The following FMN2 variants were observed in gnomAD, a reference collection of about 807,000 sequenced individuals.
FMN2 encodes the protein formin-2.
In FMN2, 51 loss-of-function variants were observed where a neutral mutation model predicts 142.3. That is an observed-to-expected ratio of 0.36 (90% CI 0.29 to 0.45). FMN2 has a LOEUF of 0.45. Ranked by LOEUF, FMN2 falls within the 20% of genes least tolerant of loss-of-function variation. FMN2 has a pLI of 1.00. For missense variants in FMN2, 1,936 were observed against 2,122.8 expected (o/e 0.91, Z 1.73); for synonymous variants, 882 against 869.8 (o/e 1.01, Z -0.25).
At chr1:240,142,070 G>A in intron 2 of FMN2, among the ~76,000 whole-genome samples, 1 of 152,192 alleles carries the variant, frequency 6.6e-6, no homozygotes, top group East Asian at 1.9e-4. Flanking sequence ...CTGATGGAAT[G>A]CACTTTGGAT....
At chr1:240,373,454 G>C (rs1287387787) in intron 14 of FMN2, among the ~76,000 whole-genome samples, 1 of 152,120 alleles carries the variant, frequency 6.6e-6, no homozygotes, top group African/African-American at 2.4e-5. Flanking sequence ...TTCAAAATTT[G>C]AATCAGTCCT....
At chr1:240,272,683 A>G (rs547023365) in intron 7 of FMN2, among the ~76,000 whole-genome samples, 16 of 152,134 alleles carry the variant, frequency 1.1e-4, no homozygotes, top group Non-Finnish European at 5.9e-5. Flanking sequence ...ATATTCTACA[A>G]ATATAATCAT....
In FMN2 at chr1:240,168,399, C is replaced by A. The variant is rs1265085813; in HGVS notation, c.1783-9522C>A. On this transcript the variant is annotated intron_variant, in intron 2 of 17. Transcript: ENST00000319653. ...CTCAAGAGTTTGAGACCAGCCTGGG[C>A]AACATAGCAAGACTCCATCTCTCCA... Among the ~76,000 whole-genome samples, 163 of 152,168 alleles carry A rather than the reference C, an allele frequency of 1.1e-3. 1 individual carries two copies. Among genetic ancestry groups the A allele is most frequent in the Non-Finnish European group, 3.7e-4 (25 of 68,012 alleles).
chr1:240,181,554 C>T (rs1029878651), intron 3 of FMN2, among the ~76,000 whole-genome samples: 3 of 152,146 alleles, frequency 2.0e-5, no homozygotes, highest in Non-Finnish European at 4.4e-5. Context: ...CTCTTCTCAC[C>T]AGTGAGTTGC....
At chr1:240,375,798 C>T (rs1447373010) in intron 14 of FMN2, among the ~76,000 whole-genome samples, 1 of 152,178 alleles carries the variant, frequency 6.6e-6, no homozygotes, top group Non-Finnish European at 1.5e-5. Context: ...ATAAATGTCT[C>T]CATTGCTTTG....
chr1:240,434,602 C>G (rs181548292), intron 15 of FMN2, among the ~76,000 whole-genome samples: 33 of 150,904 alleles, frequency 2.2e-4, no homozygotes, highest in African/African-American at 6.8e-4. Flanking sequence ...CGCTCTGTCA[C>G]CCAGGCTGGA....
Position 240,334,124 on chromosome 1 carries a change from C to G in FMN2, c.4660C>G (p.Gln1554Glu), listed in dbSNP as rs1671478569. The change falls in exon 13 of 18, where the codon CAG (glutamine) becomes GAG (glutamate). Residue 1554 changes from glutamine (Q) to glutamate (E), a missense_variant. By Grantham distance (29) the Gln-to-Glu change is conservative (BLOSUM62 2). Coordinates refer to ENST00000319653, the MANE Select transcript of FMN2 (RefSeq NM_020066.5). ...TGTTCATTAGGATGCTGGAAAAGAA[C>G]AGTGCCTCTTTCCACTGCCAGAACC... The part of the protein sequence containing the change: ...RNFDEDAGKE[Q>E]CLFPLPEPQD... The G allele has an allele frequency of 6.3e-7, 1 of 1,599,750 alleles. No homozygotes were observed. The highest frequency in any genetic ancestry group is 1.4e-5 in the African/African-American group (1 of 73,840).
chr1:240,373,041 G>A (rs146024875), intron 14 of FMN2, among the ~76,000 whole-genome samples: 190 of 152,098 alleles, frequency 1.2e-3, no homozygotes, highest in African/African-American at 3.2e-3. Context: ...AAAAAGTAGC[G>A]CGCGTGGTGG....
chr1:240,160,484 A>G (rs1664232593), intron 2 of FMN2, among the ~76,000 whole-genome samples: 1 of 149,210 alleles, frequency 6.7e-6, no homozygotes, highest in Non-Finnish European at 1.5e-5. Flanking sequence ...TATATAATGT[A>G]TATAATATAT....
chr1:240,466,943 A>AC (rs1676640272), intron 16 of FMN2, among the ~76,000 whole-genome samples: 1 of 152,158 alleles, frequency 6.6e-6, no homozygotes, highest in Non-Finnish European at 1.5e-5. Flanking sequence ...TTAGAAACAA[A>AC]CTCGGAGTCC....
At chr1:240,237,285 A>G (rs1341935714) in intron 6 of FMN2, among the ~76,000 whole-genome samples, 1 of 152,212 alleles carries the variant, frequency 6.6e-6, no homozygotes, top group East Asian at 1.9e-4. Flanking sequence ...CCACCAACTT[A>G]GAAAACAGTC....
At chr1:240,148,719 G>A (rs946105522) in intron 2 of FMN2, among the ~76,000 whole-genome samples, 1 of 152,110 alleles carries the variant, frequency 6.6e-6, no homozygotes, top group African/African-American at 2.4e-5. Flanking sequence ...AGTGGCTCGC[G>A]CCTGTAATCC....
chr1:240,271,098 G>GCTTTT lies in FMN2; in HGVS notation c.4153+13066_4153+13067insCTTTT, dbSNP rs1233218686. On this transcript the variant is annotated intron_variant, in intron 7 of 17. Coordinates refer to ENST00000319653, the MANE Select transcript of FMN2 (RefSeq NM_020066.5). ...ACCCCCCTAGGAACTTTCCACGATG[G>GCTTTT]TTTTTTTTTTTTTTTTTTTGTGACT... 1.7e-3 allele frequency among the ~76,000 whole-genome samples: 120 copies of GCTTTT among 72,220 alleles called. 1 individual carries two copies. The highest frequency in any genetic ancestry group is 0.011 in the Middle Eastern group (1 of 90). The allele number at this position is 72,220 out of a possible 152,430, so 47.4% of individuals were successfully genotyped here.
At chr1:240,211,398 G>A (rs1282580236) in intron 6 of FMN2, among the ~76,000 whole-genome samples, 163 bp downstream of exon 6, 1 of 152,174 alleles carries the variant, frequency 6.6e-6, no homozygotes, top group African/African-American at 2.4e-5. Context: ...AGTAAGACTA[G>A]CCCAAATAGA....
At chr1:240,148,361 C>G (rs1333623885) in intron 2 of FMN2, among the ~76,000 whole-genome samples, 1 of 80,658 alleles carries the variant, frequency 1.2e-5, no homozygotes, top group African/African-American at 4.7e-5. Context: ...GACAGAGAGA[C>G]AGAGACAGAG....
intron 16 of FMN2, among the ~76,000 whole-genome samples, chr1:240,464,088 A>G (rs781068413): frequency 1.3e-5 from 2 of 152,236 alleles, no homozygotes; most frequent in East Asian, 3.8e-4. Context: ...CTAGAAATCA[A>G]CAAGTAGATT....
intron 13 of FMN2, among the ~76,000 whole-genome samples, chr1:240,348,996 G>C (rs1415232779): frequency 2.6e-5 from 4 of 152,154 alleles, no homozygotes; most frequent in Admixed American, 2.6e-4. Context: ...TGATGGTGCA[G>C]ACTTAACAAG....
intron 7 of FMN2, among the ~76,000 whole-genome samples, chr1:240,278,253 G>A (rs537900768): frequency 1.3e-5 from 2 of 152,242 alleles, no homozygotes; most frequent in Admixed American, 6.5e-5. Flanking sequence ...TCTTGGTCAC[G>A]ATCTTTGGAG....
intron 15 of FMN2, among the ~76,000 whole-genome samples, chr1:240,399,518 C>T (rs1344284896): frequency 1.3e-5 from 2 of 152,156 alleles, no homozygotes. Context: ...TGCAGGAGCT[C>T]TAATCCAGAC....
Sources: allele counts gnomAD v4.1 joint callset (sites outside exome capture counted in the v4.1 genomes callset), GRCh38; gene constraint gnomAD v4.1.1; transcripts MANE v1.5; gene names NCBI Gene and HGNC (gene_info 2026-07-23, HGNC 2026-07-21).